Variants in CD2AP observed in about 807,000 individuals in gnomAD.
CD2AP encodes the protein CD2-associated protein.
In CD2AP, 46 loss-of-function variants were observed where a neutral mutation model predicts 85.1. That is an observed-to-expected ratio of 0.54 (90% CI 0.43 to 0.69). The LOEUF is 0.69. CD2AP is among the 30% of genes least tolerant of loss of function. The pLI is 0.00. For synonymous variants in CD2AP, 255 were observed against 252.9 expected, an observed-to-expected ratio of 1.01 and a Z score of -0.08; for missense variants, 769 against 729.5, an observed-to-expected ratio of 1.05 and a Z score of -0.62.
At chr6:47,602,093 C>G (rs540207370) in intron 13 of CD2AP, among the ~76,000 whole-genome samples, 4 of 152,000 alleles carry the variant, frequency 2.6e-5, no homozygotes, top group African/African-American at 9.6e-5. Flanking sequence ...AAATCCCTGA[C>G]TTTGTTCACA....
At chr6:47,609,680 C>T (rs987913682) in intron 16 of CD2AP, among the ~76,000 whole-genome samples, 1 of 151,946 alleles carries the variant, frequency 6.6e-6, no homozygotes, top group Non-Finnish European at 1.5e-5. Context: ...GCCTGGGCAA[C>T]AAAACCAAGA....
At chr6:47,485,459 C>A (rs965604973) in intron 1 of CD2AP, among the ~76,000 whole-genome samples, 3 of 151,894 alleles carry the variant, frequency 2.0e-5, no homozygotes, top group African/African-American at 7.3e-5. Flanking sequence ...TATTTTTGTA[C>A]AACTATACAA....
chr6:47,543,674 A>G (rs1245872400), intron 3 of CD2AP, among the ~76,000 whole-genome samples: 1 of 152,134 alleles, frequency 6.6e-6, no homozygotes, highest in Non-Finnish European at 1.5e-5. Context: ...TTTTGTAAGG[A>G]TACTAGTCCT....
intron 11 of CD2AP, among the ~76,000 whole-genome samples, chr6:47,591,947 C>T (rs1768809300): frequency 6.6e-6 from 1 of 152,094 alleles, no homozygotes; most frequent in Non-Finnish European, 1.5e-5. Context: ...ACCTCGGCCT[C>T]CAGAGTAGCT....
At chr6:47,561,121 TAAA>T (rs1327864727) in intron 5 of CD2AP, among the ~76,000 whole-genome samples, 2 of 152,210 alleles carry the variant, frequency 1.3e-5, no homozygotes, top group African/African-American at 4.8e-5. Flanking sequence ...TGTGACTTTT[TAAA>T]AAAGTCAACT....
At position 47,621,536 on chromosome 6, in the gene CD2AP, A is replaced by G. The variant is rs566010233; in HGVS notation, c.1879-2650A>G. ...GGTTACGATCTTTTCTGGTTTTGGTATCAGGGTGATGCTGGCTTCATAGAA... is the reference window on the plus strand; with the variant it reads ...GGTTACGATCTTTTCTGGTTTTGGTGTCAGGGTGATGCTGGCTTCATAGAA... On this transcript the variant is annotated intron_variant, in intron 17 of 17. Coordinates refer to ENST00000359314, the MANE Select transcript of CD2AP (RefSeq NM_012120.3). Among the ~76,000 whole-genome samples, 15 of 152,236 alleles carry G rather than the reference A, an allele frequency of 9.9e-5. No homozygotes were observed. In the East Asian group the frequency reaches 2.7e-3, roughly 27 times the overall value.
At chr6:47,579,140 C>T (rs1032772397) in intron 8 of CD2AP, among the ~76,000 whole-genome samples, 1 of 152,024 alleles carries the variant, frequency 6.6e-6, no homozygotes, top group Admixed American at 6.5e-5. Flanking sequence ...TGGCTCATGC[C>T]TGTAGTTCCT....
chr6:47,508,213 TAGA>T (rs1487656322), intron 2 of CD2AP, among the ~76,000 whole-genome samples: 1 of 152,236 alleles, frequency 6.6e-6, no homozygotes, highest in Non-Finnish European at 1.5e-5. Context: ...CTTTTTCCAA[TAGA>T]AGGTTTCATC....
At chr6:47,485,750 ATTAC>A (rs1194521580) in intron 1 of CD2AP, among the ~76,000 whole-genome samples, 3 of 152,082 alleles carry the variant, frequency 2.0e-5, no homozygotes, top group African/African-American at 7.2e-5. Flanking sequence ...TACCATTTTT[ATTAC>A]TTATACTGTA....
chr6:47,575,229 T>G (rs1230095942), intron 6 of CD2AP, among the ~76,000 whole-genome samples: 5 of 152,122 alleles, frequency 3.3e-5, no homozygotes, highest in Admixed American at 3.3e-4. Flanking sequence ...ATTCTCATGG[T>G]TTTTGGGGTG....
intron 16 of CD2AP, among the ~76,000 whole-genome samples, chr6:47,611,009 C>T (rs1582623748): frequency 1.8e-5 from 2 of 111,882 alleles, no homozygotes; most frequent in African/African-American, 7.3e-5. Flanking sequence ...TTTTGGAAGT[C>T]TTTCCAAAGG....
At chr6:47,565,541 A>G (rs1464150558) in intron 5 of CD2AP, among the ~76,000 whole-genome samples, 2 of 152,062 alleles carry the variant, frequency 1.3e-5, no homozygotes, top group Non-Finnish European at 2.9e-5. Context: ...TCTAATAGGC[A>G]TCTTAAACCT....
At chr6:47,542,768 A>G (rs207466929) in intron 3 of CD2AP, among the ~76,000 whole-genome samples, 1 of 152,206 alleles carries the variant, frequency 6.6e-6, no homozygotes, top group African/African-American at 2.4e-5. Context: ...GCCTGGCCCT[A>G]TGCTAGGTGC....
intron 2 of CD2AP, among the ~76,000 whole-genome samples, chr6:47,525,987 AT>A (rs1218663208): frequency 1.3e-5 from 2 of 152,078 alleles, no homozygotes; most frequent in Non-Finnish European, 2.9e-5. Flanking sequence ...TCCTGAAGTT[AT>A]TTTCCAAGTC....
At chr6:47,599,125 A>G (rs1769033620) in intron 12 of CD2AP, among the ~76,000 whole-genome samples, 176 bp from the exon 13 acceptor site, 1 of 151,798 alleles carries the variant, frequency 6.6e-6, no homozygotes, top group Non-Finnish European at 1.5e-5. Flanking sequence ...CTGTTCTCAC[A>G]TTTTTTATTT....
chr6:47,482,083 A>G (rs1029646594), intron 1 of CD2AP, among the ~76,000 whole-genome samples: 1 of 152,222 alleles, frequency 6.6e-6, no homozygotes, highest in African/African-American at 2.4e-5. Flanking sequence ...ATTCATACAG[A>G]TAAGTAGTTG....
chr6:47,502,495 T>G (rs1766021045), intron 1 of CD2AP, among the ~76,000 whole-genome samples: 1 of 146,972 alleles, frequency 6.8e-6, no homozygotes. Flanking sequence ...ACTCCTGAGT[T>G]TTTTTTTTTT....
At chr6:47,520,500 C>G (rs1766559292) in intron 2 of CD2AP, among the ~76,000 whole-genome samples, 1 of 152,058 alleles carries the variant, frequency 6.6e-6, no homozygotes, top group Non-Finnish European at 1.5e-5. Context: ...GTCCATATGG[C>G]CTCCGCTGAC....
intron 11 of CD2AP, among the ~76,000 whole-genome samples, chr6:47,585,531 A>G (rs561450623): frequency 6.6e-6 from 1 of 152,202 alleles, no homozygotes; most frequent in Non-Finnish European, 1.5e-5. Flanking sequence ...GAAGCAGTTT[A>G]CAGGCAGCAG....
Sources: gnomAD v4.1 joint callset for allele counts (sites outside exome capture counted in the v4.1 genomes callset) on GRCh38, gnomAD v4.1.1 for gene constraint, MANE v1.5 for transcripts, NCBI Gene and HGNC (gene_info 2026-07-23, HGNC 2026-07-21) for gene names.